FKBP5: variants seen among roughly 807,000 people sequenced by gnomAD.
The protein encoded by FKBP5 is peptidyl-prolyl cis-trans isomerase FKBP5.
In FKBP5, 23 loss-of-function variants were observed where a neutral mutation model predicts 50.5. The observed-to-expected ratio is 0.46, with a 90% CI of 0.33 to 0.65. FKBP5 has a LOEUF of 0.65. Ranked by LOEUF, FKBP5 falls within the 30% of genes least tolerant of loss-of-function variation. The pLI is 0.02. For synonymous variants in FKBP5, 176 were observed against 190.6 expected, an observed-to-expected ratio of 0.92 and a Z score of 0.63; for missense variants, 411 against 553.1, an observed-to-expected ratio of 0.74 and a Z score of 2.58.
chr6:35,643,365 G>T (rs951629258), intron 1 of FKBP5, among the ~76,000 whole-genome samples: 8 of 152,124 alleles, frequency 5.3e-5, no homozygotes, highest in African/African-American at 1.9e-4. Flanking sequence ...AATGGACACA[G>T]TACACTATTC....
At chr6:35,620,084 C>T in intron 4 of FKBP5, 48 bp downstream of exon 4, 1 of 1,610,588 alleles carries the variant, frequency 6.2e-7, no homozygotes, top group Non-Finnish European at 8.5e-7. Context: ...CAAAGCCATT[C>T]CTATTGTAGA....
Position 35,576,992 on chromosome 6 carries a change from A to G in FKBP5, c.1266+2T>C. The G allele has an allele frequency of 6.2e-7, 1 of 1,613,618 alleles. No homozygotes were observed. Among genetic ancestry groups the G allele is most frequent in the Non-Finnish European group, 8.5e-7 (1 of 1,179,970 alleles). ...CCTGCAGTCATCAGGCTCTGCACACACCTTGGCATCCTGCTCTGCAAACTT... is the reference window on the plus strand; with the variant it reads ...CCTGCAGTCATCAGGCTCTGCACACGCCTTGGCATCCTGCTCTGCAAACTT... On this transcript the variant is annotated splice_donor_variant, in intron 10 of 10. Coordinates refer to ENST00000357266, the MANE Select transcript of FKBP5 (RefSeq NM_004117.4). LOFTEE classifies it high-confidence loss of function.
At chr6:35,708,634 C>T (rs1766363588) in intron 2 of FKBP5, among the ~76,000 whole-genome samples, 1 of 151,908 alleles carries the variant, frequency 6.6e-6, no homozygotes, top group African/African-American at 2.4e-5. Flanking sequence ...GTTAGTTGTG[C>T]CCCAGTATCC....
At chr6:35,726,202 C>T (rs1766706747) in intron 1 of FKBP5, among the ~76,000 whole-genome samples, 1 of 152,222 alleles carries the variant, frequency 6.6e-6, no homozygotes, top group Non-Finnish European at 1.5e-5. Context: ...CAAGGTCACA[C>T]AGGCAGTTGT....
At chr6:35,723,495 A>G (rs1000836001) in intron 1 of FKBP5, among the ~76,000 whole-genome samples, 4 of 152,322 alleles carry the variant, frequency 2.6e-5, no homozygotes, top group Non-Finnish European at 2.9e-5. Flanking sequence ...AGAGGGAAGA[A>G]GGCAGAAGGG....
chr6:35,721,271 G>C (rs1468480978), intron 1 of FKBP5, among the ~76,000 whole-genome samples: 1 of 151,810 alleles, frequency 6.6e-6, no homozygotes, highest in Non-Finnish European at 1.5e-5. Flanking sequence ...AAAATTGCTT[G>C]AACTCGAGAG....
At chr6:35,596,207 TAGAC>T (rs1250592907) in intron 6 of FKBP5, among the ~76,000 whole-genome samples, 7 of 152,028 alleles carry the variant, frequency 4.6e-5, no homozygotes, top group Admixed American at 1.3e-4. Context: ...ATACAAAAAT[TAGAC>T]AGGCATGGTG....
At chr6:35,640,514 T>C (rs1244033351) in intron 2 of FKBP5, among the ~76,000 whole-genome samples, 1 of 152,182 alleles carries the variant, frequency 6.6e-6, no homozygotes, top group Non-Finnish European at 1.5e-5. Flanking sequence ...GATATTACCA[T>C]ACACTACCGT....
intron 3 of FKBP5, among the ~76,000 whole-genome samples, chr6:35,626,948 AAT>A (rs1162882112): frequency 6.6e-6 from 1 of 152,194 alleles, no homozygotes; most frequent in Non-Finnish European, 1.5e-5. Flanking sequence ...TGAGTGTACA[AAT>A]ATCTCTTCAA....
intron 1 of FKBP5, among the ~76,000 whole-genome samples, chr6:35,677,501 T>C (rs1765560092): frequency 6.6e-6 from 1 of 152,212 alleles, no homozygotes; most frequent in Non-Finnish European, 1.5e-5. Context: ...TAGAAAGTCC[T>C]GAAAATGTGT....
At chr6:35,597,106 G>A (rs1763002952) in intron 6 of FKBP5, 142 bp downstream of exon 6, 7 of 841,800 alleles carry the variant, frequency 8.3e-6, no homozygotes, top group Non-Finnish European at 1.2e-5. Context: ...ATTAATTTAC[G>A]TGATGACTAA....
At chr6:35,702,055 C>T (rs551323284) in intron 2 of FKBP5, among the ~76,000 whole-genome samples, 1 of 152,044 alleles carries the variant, frequency 6.6e-6, no homozygotes, top group Non-Finnish European at 1.5e-5. Context: ...ACCTTGTTGG[C>T]CTGGCTGGTC....
intron 2 of FKBP5, among the ~76,000 whole-genome samples, chr6:35,637,457 CTTTTTTTTTTTT>C (rs71002581): frequency 8.2e-5 from 6 of 73,270 alleles, no homozygotes; most frequent in East Asian, 4.4e-4. Flanking sequence ...ACAGTAAACT[CTTTTTTTTTTTT>C]TTTTTTTTTT....
In FKBP5 at chr6:35,633,630, G is replaced by A. The variant is rs146471838; in HGVS notation, c.250+3384C>T. 4.0e-3 allele frequency among the ~76,000 whole-genome samples: 600 copies of A among 151,350 alleles called. 5 individuals carry two copies. Among genetic ancestry groups the A allele is most frequent in the African/African-American group, 0.011 (469 of 41,224 alleles). ...TCTTGTTTTGTAGGCAACTAAATAC[G>A]TTATGTTATAGATGTTTTACCAGAG... On this transcript the variant is annotated intron_variant, in intron 3 of 10. Transcript: ENST00000357266.
rs550406344 is a variant in FKBP5, at chr6:35,622,895, C to T, written c.251-2621G>A. Reference sequence around the variant, plus strand: ...TAATCTCTGTGCTTAGTCTCCTCACCTGCAAAATGTAAATAATAACAGTAC... The same window carrying T: ...TAATCTCTGTGCTTAGTCTCCTCACTTGCAAAATGTAAATAATAACAGTAC... On this transcript the variant is annotated intron_variant, in intron 3 of 10. Transcript: ENST00000357266. 3.3e-5 allele frequency among the ~76,000 whole-genome samples: 5 copies of T among 152,312 alleles called. No homozygotes were observed. In the South Asian group the frequency reaches 6.2e-4, roughly 19 times the overall value.
At chr6:35,577,561 A>G (rs2150949291) in intron 9 of FKBP5, among the ~76,000 whole-genome samples, 1 of 152,366 alleles carries the variant, frequency 6.6e-6, no homozygotes, top group East Asian at 1.9e-4. Flanking sequence ...AGAGAAAAAG[A>G]CAAACTTTAA....
At position 35,574,174 on chromosome 6, in the gene FKBP5, A is replaced by G. The variant is rs184176020; in HGVS notation, c.*1661T>C. 4 of 152,336 alleles carry G rather than the reference A, an allele frequency of 2.6e-5. No individual in the cohort carries two copies. The highest frequency in any genetic ancestry group is 9.6e-5 in the African/African-American group (4 of 41,574). The allele number at this position is 152,336 out of a possible 1,614,324, so 9.4% of individuals were successfully genotyped here. On this transcript the variant is annotated 3_prime_UTR_variant, in exon 11 of 11. Coordinates refer to ENST00000357266, the MANE Select transcript of FKBP5 (RefSeq NM_004117.4). ...GAGGGATTTTAGTTATCATTAAAGGAAAAAACTCACAAATTGATCCCATTT... is the reference window on the plus strand; with the variant it reads ...GAGGGATTTTAGTTATCATTAAAGGGAAAAACTCACAAATTGATCCCATTT...
rs574855911 is a variant in FKBP5, at chr6:35,586,859, T to C, written c.840+175A>G. 1.2e-3 allele frequency: 1,770 copies of C among 1,445,304 alleles called. 3 individuals carry two copies. Among genetic ancestry groups the C allele is most frequent in the African/African-American group, 8.9e-3 (619 of 69,604 alleles). 89.5% of individuals were successfully genotyped at this position (1,445,304 alleles called of 1,614,324 possible). A position where few individuals can be genotyped will look rare whatever the true frequency, so the allele number is the denominator to read the frequency against. On this transcript the variant is annotated intron_variant, in intron 8 of 10. Coordinates refer to ENST00000357266, the MANE Select transcript of FKBP5 (RefSeq NM_004117.4). ...AGAGGAATCTGTACTTTTTTTTTTT[T>C]CCACATGATTGTTTTCTCACCATTT...
intron 8 of FKBP5, chr6:35,581,222 C>T (rs568486943): frequency 1.0e-6 from 1 of 963,054 alleles, no homozygotes; most frequent in Non-Finnish European, 1.2e-6. Context: ...AAACAATATA[C>T]ATCAGAAAGG....
Sources: allele counts gnomAD v4.1 joint callset (sites outside exome capture counted in the v4.1 genomes callset), GRCh38; gene constraint gnomAD v4.1.1; transcripts MANE v1.5; gene names NCBI Gene and HGNC (gene_info 2026-07-23, HGNC 2026-07-21).